The following TCF12 variants were observed in gnomAD, a reference collection of about 807,000 sequenced individuals.
TCF12 encodes DNA-binding protein HTF4.
In TCF12, 45 loss-of-function variants were observed where a neutral mutation model predicts 86.0. That is an observed-to-expected ratio of 0.52 (90% confidence interval 0.41 to 0.67). TCF12 has a LOEUF of 0.67. TCF12 is among the 30% of genes least tolerant of loss of function. TCF12 has a pLI of 0.00. For missense variants in TCF12, 881 were observed against 859.9 expected (o/e 1.02, Z -0.31); for synonymous variants, 330 against 299.6 (o/e 1.10, Z -1.05).
chr15:57,002,454 T>A lies in TCF12; in HGVS notation c.149-61296T>A, dbSNP rs546334957. ...TCTATTAAAACAAATATTATCCACCTAACACATATATCTTCATATTCATAA... is the reference window on the plus strand; with the variant it reads ...TCTATTAAAACAAATATTATCCACCAAACACATATATCTTCATATTCATAA... On this transcript the variant is annotated intron_variant, in intron 3 of 20. Transcript: ENST00000333725. 2.6e-3 allele frequency among the ~76,000 whole-genome samples: 399 copies of A among 152,348 alleles called. 2 individuals carry two copies. The highest frequency in any genetic ancestry group is 4.4e-3 in the Non-Finnish European group (302 of 68,024).
At chr15:57,038,522 T>C (rs1026764009) in intron 3 of TCF12, among the ~76,000 whole-genome samples, 3 of 152,162 alleles carry the variant, frequency 2.0e-5, no homozygotes, top group Non-Finnish European at 2.9e-5. Flanking sequence ...TTTCGTGATA[T>C]CACAGATTGA....
At chr15:57,014,182 A>C (rs1404960854) in intron 3 of TCF12, among the ~76,000 whole-genome samples, 2 of 152,146 alleles carry the variant, frequency 1.3e-5, no homozygotes, top group African/African-American at 4.8e-5. Flanking sequence ...TTCATATCAT[A>C]GTGTTGATGT....
intron 5 of TCF12, among the ~76,000 whole-genome samples, chr15:57,098,175 A>T (rs1367945294): frequency 1.3e-5 from 2 of 152,066 alleles, no homozygotes; most frequent in Non-Finnish European, 2.9e-5. Context: ...ACAGAGCAAG[A>T]CTCCATCTCA....
At chr15:56,946,095 G>C (rs1398871230) in intron 3 of TCF12, among the ~76,000 whole-genome samples, 1 of 152,106 alleles carries the variant, frequency 6.6e-6, no homozygotes, top group East Asian at 1.9e-4. Flanking sequence ...AACAGACTAA[G>C]GCAAGGTTTC....
chr15:57,153,492 A>G (rs1335712296), intron 5 of TCF12, among the ~76,000 whole-genome samples: 1 of 152,230 alleles, frequency 6.6e-6, no homozygotes, highest in African/African-American at 2.4e-5. Flanking sequence ...TAATAATGAA[A>G]GTAAATATAA....
chr15:57,034,367 G>A (rs1276683417), intron 3 of TCF12, among the ~76,000 whole-genome samples: 3 of 152,004 alleles, frequency 2.0e-5, no homozygotes, highest in African/African-American at 4.8e-5. Flanking sequence ...GGCAAGAAGA[G>A]CTTGCCCTTT....
chr15:57,206,871 G>A (rs1345063335), intron 8 of TCF12, among the ~76,000 whole-genome samples: 1 of 145,480 alleles, frequency 6.9e-6, no homozygotes, highest in African/African-American at 2.5e-5. Flanking sequence ...TGGGAGGAGT[G>A]TTTGAGCCTA....
At chr15:57,102,606 A>AG (rs200254955) in intron 5 of TCF12, among the ~76,000 whole-genome samples, 1,766 of 152,234 alleles carry the variant, frequency 0.012, 33 homozygotes, top group African/African-American at 0.04. Flanking sequence ...TTTAAAAAAA[A>AG]AAAAAAAAGT....
intron 7 of TCF12, among the ~76,000 whole-genome samples, chr15:57,196,212 A>G (rs1223536625): frequency 6.6e-6 from 1 of 152,138 alleles, no homozygotes; most frequent in Non-Finnish European, 1.5e-5. Context: ...CTGAACATGC[A>G]TAGACTTATT....
At chr15:57,077,721 C>T (rs2070246597) in intron 4 of TCF12, among the ~76,000 whole-genome samples, 1 of 147,608 alleles carries the variant, frequency 6.8e-6, no homozygotes, top group African/African-American at 2.5e-5. Context: ...CGTGAGCTAC[C>T]ACACCTGGCG....
intron 5 of TCF12, among the ~76,000 whole-genome samples, chr15:57,101,401 C>T (rs1176997061): frequency 6.6e-6 from 1 of 152,064 alleles, no homozygotes; most frequent in Non-Finnish European, 1.5e-5. Flanking sequence ...TGTAGAGACA[C>T]AGTCTTGTTG....
At chr15:56,950,543 A>G (rs1425294814) in intron 3 of TCF12, among the ~76,000 whole-genome samples, 1 of 151,908 alleles carries the variant, frequency 6.6e-6, no homozygotes, top group Non-Finnish European at 1.5e-5. Flanking sequence ...GTGTAGTTTT[A>G]AATAAATAAA....
intron 19 of TCF12, among the ~76,000 whole-genome samples, chr15:57,279,579 A>G (rs1427817350): frequency 6.6e-6 from 1 of 152,118 alleles, no homozygotes. Context: ...AGAGTCTGCC[A>G]TAGTATTGTT....
intron 3 of TCF12, among the ~76,000 whole-genome samples, chr15:57,013,886 A>G (rs185968316): frequency 2.0e-5 from 3 of 152,348 alleles, no homozygotes; most frequent in African/African-American, 7.2e-5. Flanking sequence ...TTTTAAATGT[A>G]TCCAGTGAAA....
At chr15:57,230,338 T>C (rs1376308392) in intron 8 of TCF12, among the ~76,000 whole-genome samples, 2 of 151,982 alleles carry the variant, frequency 1.3e-5, no homozygotes, top group Non-Finnish European at 2.9e-5. Context: ...CTATAGACTG[T>C]GCATCACTTT....
At chr15:57,283,654 T>G (rs2061797700) in intron 20 of TCF12, among the ~76,000 whole-genome samples, 1 of 152,224 alleles carries the variant, frequency 6.6e-6, no homozygotes, top group Non-Finnish European at 1.5e-5. Flanking sequence ...TAAAGGCAGA[T>G]GAGTGCGGGG....
rs192695880 is a variant in TCF12 at position 57,054,236 on chromosome 15, T to G, written c.149-9514T>G. ...AAATGAATAGAATTGTTTGTGGAAT[T>G]AAGTTAATAATAGTAATTGCTCACA... On this transcript the variant is annotated intron_variant, in intron 3 of 20. Coordinates refer to ENST00000333725, the MANE Select transcript of TCF12 (RefSeq NM_207037.2). Among the ~76,000 whole-genome samples, 12 of 152,288 alleles carry G rather than the reference T, an allele frequency of 7.9e-5. No individual in the cohort carries two copies. In the East Asian group the frequency reaches 2.3e-3, roughly 29 times the overall value.
chr15:57,009,659 G>T (rs928591684), intron 3 of TCF12, among the ~76,000 whole-genome samples: 8 of 152,148 alleles, frequency 5.3e-5, no homozygotes, highest in African/African-American at 1.9e-4. Context: ...GAAAACAGAA[G>T]AAACACTGAA....
Position 57,286,863 on chromosome 15 carries a change from C to T in TCF12, c.*718C>T, listed in dbSNP as rs2061951476. On this transcript the variant is annotated 3_prime_UTR_variant, in exon 21 of 21. Coordinates refer to ENST00000333725, the MANE Select transcript of TCF12 (RefSeq NM_207037.2). Reference sequence around the variant, plus strand: ...TCTAAATCTGAACAGTTTATGGTCACAGTCCAGCCTCCTCCGTGCAGCCCT... The same window carrying T: ...TCTAAATCTGAACAGTTTATGGTCATAGTCCAGCCTCCTCCGTGCAGCCCT... 3.6e-5 allele frequency: 13 copies of T among 362,050 alleles called. No individual in the cohort carries two copies. Among genetic ancestry groups the T allele is most frequent in the South Asian group, 2.5e-4 (12 of 47,240 alleles). 22.4% of individuals were successfully genotyped at this position (362,050 alleles called of 1,614,324 possible).
Sources: gnomAD v4.1 joint callset for allele counts (sites outside exome capture counted in the v4.1 genomes callset) on GRCh38, gnomAD v4.1.1 for gene constraint, MANE v1.5 for transcripts, NCBI Gene and HGNC (gene_info 2026-07-23, HGNC 2026-07-21) for gene names.